The following MATCAP2 variants were observed in gnomAD, a reference collection of about 807,000 sequenced individuals.
MATCAP2 encodes the protein microtubule associated tyrosine carboxypeptidase 2.
the MATCAP2 span, among the ~76,000 whole-genome samples, chr7:36,370,043 ATC>A: frequency 6.6e-6 from 1 of 152,236 alleles, no homozygotes; most frequent in Admixed American, 6.5e-5. Context: ...TAAAAAATAT[ATC>A]TCTGTGTATT....
chr7:36,356,848 G>A, the MATCAP2 span: 1 of 1,370,900 alleles, frequency 7.3e-7, no homozygotes, highest in South Asian at 1.2e-5. Flanking sequence ...TAAGATCACA[G>A]ATAATTGTTT....
chr7:36,348,235 T>C, the MATCAP2 span, among the ~76,000 whole-genome samples: 4 of 152,226 alleles, frequency 2.6e-5, no homozygotes, highest in African/African-American at 9.6e-5. Context: ...ATGCTGGTCA[T>C]TGCTTCCTGG....
chr7:36,329,904 G>A, the MATCAP2 span, among the ~76,000 whole-genome samples: 8 of 152,066 alleles, frequency 5.3e-5, no homozygotes, highest in Admixed American at 4.6e-4. Flanking sequence ...AAAATGACAC[G>A]TACTTTCTAA....
At chr7:36,361,229 CT>C in the MATCAP2 span, among the ~76,000 whole-genome samples, 1 of 152,078 alleles carries the variant, frequency 6.6e-6, no homozygotes, top group Non-Finnish European at 1.5e-5. Flanking sequence ...TAATATTAGC[CT>C]AATCATTAAA....
the MATCAP2 span, among the ~76,000 whole-genome samples, chr7:36,342,566 T>C: frequency 3.3e-5 from 5 of 152,220 alleles, no homozygotes; most frequent in Non-Finnish European, 5.9e-5. Context: ...TGACTCCTTA[T>C]GCCTGTCTTC....
chr7:36,353,280 A>G, the MATCAP2 span, among the ~76,000 whole-genome samples: 1 of 152,138 alleles, frequency 6.6e-6, no homozygotes, highest in Non-Finnish European at 1.5e-5. Context: ...CCCTGTCTCA[A>G]AAAAAGATGC....
chr7:36,330,898 C>T, the MATCAP2 span: 6 of 755,212 alleles, frequency 7.9e-6, no homozygotes, highest in Non-Finnish European at 1.4e-5. Context: ...TACTGTGAAG[C>T]TAAGTCTTAT....
At chr7:36,356,188 C>T in the MATCAP2 span, 8 of 152,244 alleles carry the variant, frequency 5.3e-5, no homozygotes, top group African/African-American at 1.9e-4. Context: ...ATAGGAAGAA[C>T]CAGGGATTGC....
At chr7:36,354,752 T>G in the MATCAP2 span, among the ~76,000 whole-genome samples, 1 of 152,366 alleles carries the variant, frequency 6.6e-6, no homozygotes, top group South Asian at 2.1e-4. Flanking sequence ...GAGAATATTC[T>G]CCCAAATGGT....
At chr7:36,349,927 A>C in the MATCAP2 span, among the ~76,000 whole-genome samples, 1 of 152,186 alleles carries the variant, frequency 6.6e-6, no homozygotes, top group East Asian at 1.9e-4. Flanking sequence ...AAATAACCCC[A>C]GTTCTCCGAT....
At chr7:36,359,509 A>G in the MATCAP2 span, among the ~76,000 whole-genome samples, 61,938 of 152,048 alleles carry the variant, frequency 0.41, 13,129 homozygotes, top group African/African-American at 0.49. Flanking sequence ...CTAGGCCAGC[A>G]TGTGAAATCT....
the MATCAP2 span, chr7:36,389,825 C>T: frequency 1.4e-5 from 14 of 975,394 alleles, no homozygotes; most frequent in Non-Finnish European, 2.1e-5. Flanking sequence ...GCTCGCGGCT[C>T]GGCGCTGAAA....
the MATCAP2 span, among the ~76,000 whole-genome samples, chr7:36,371,340 T>G: frequency 6.6e-6 from 1 of 152,264 alleles, no homozygotes; most frequent in East Asian, 1.9e-4. Context: ...TTTGAACTCC[T>G]GGACTCAAGC....
At chr7:36,347,683 A>C in the MATCAP2 span, among the ~76,000 whole-genome samples, 106 of 152,346 alleles carry the variant, frequency 7.0e-4, no homozygotes, top group Non-Finnish European at 1.3e-3. Flanking sequence ...AAAGTACTTA[A>C]GTTTTAACAG....
At chr7:36,389,394 A>T in the MATCAP2 span, among the ~76,000 whole-genome samples, 1 of 145,284 alleles carries the variant, frequency 6.9e-6, no homozygotes, top group African/African-American at 2.6e-5. Context: ...GCAGGGTCTC[A>T]CTCTGCCGCC....
At chr7:36,390,082 C>T in the MATCAP2 span, 13 of 1,612,704 alleles carry the variant, frequency 8.1e-6, no homozygotes, top group Non-Finnish European at 1.1e-5. Context: ...CATGACCCAC[C>T]GCTCTAGGCC....
the MATCAP2 span, among the ~76,000 whole-genome samples, chr7:36,350,194 T>C: frequency 1.3e-5 from 2 of 152,334 alleles, no homozygotes; most frequent in African/African-American, 2.4e-5. Context: ...AGACATCCTA[T>C]TAGTGAAGGC....
the MATCAP2 span, chr7:36,356,189 C>T: frequency 6.6e-6 from 1 of 152,116 alleles, no homozygotes. Flanking sequence ...TAGGAAGAAC[C>T]AGGGATTGCA....
At chr7:36,358,947 A>T in the MATCAP2 span, among the ~76,000 whole-genome samples, 2 of 152,234 alleles carry the variant, frequency 1.3e-5, no homozygotes, top group Non-Finnish European at 2.9e-5. Flanking sequence ...TTCAGATTCA[A>T]TTCTAAACTG....
Sources: allele counts gnomAD v4.1 joint callset (sites outside exome capture counted in the v4.1 genomes callset), GRCh38; gene constraint gnomAD v4.1.1; transcripts MANE v1.5; gene names NCBI Gene and HGNC (gene_info 2026-07-23, HGNC 2026-07-21).